Variants in FCHO2 observed in about 807,000 individuals in gnomAD.
The protein encoded by FCHO2 is FCH and mu domain containing endocytic adaptor 2.
Under a neutral mutation model 114.1 loss-of-function variants are expected in FCHO2, and 43 were observed. The observed-to-expected ratio is 0.38, with a 90% confidence interval of 0.30 to 0.49. FCHO2 has a LOEUF of 0.49. Among genes scored for constraint, FCHO2 ranks in the 20% least tolerant of loss-of-function variants. The pLI is 0.97. For missense variants in FCHO2, 807 were observed against 950.4 expected, an observed-to-expected ratio of 0.85 and a Z score of 1.98; for synonymous variants, 293 against 315.2, an observed-to-expected ratio of 0.93 and a Z score of 0.75.
chr5:72,986,286 T>C (rs914698201), intron 2 of FCHO2, among the ~76,000 whole-genome samples: 9 of 152,316 alleles, frequency 5.9e-5, no homozygotes, highest in Admixed American at 3.3e-4. Context: ...CCTCCACTTC[T>C]TAAAATGACC....
intron 13 of FCHO2, among the ~76,000 whole-genome samples, chr5:73,053,738 G>T (rs1757445350): frequency 6.6e-6 from 1 of 151,736 alleles, no homozygotes; most frequent in African/African-American, 2.4e-5. Flanking sequence ...GAAGTATGAG[G>T]TTGTAAACCA....
In FCHO2 at chr5:73,006,561, A is replaced by G. The variant is rs1754732008; in HGVS notation, c.600+12A>G. 1.3e-6 allele frequency: 2 copies of G among 1,482,566 alleles called. No homozygotes were observed. Among genetic ancestry groups the G allele is most frequent in the East Asian group, 2.5e-5 (1 of 39,902 alleles). 91.8% of individuals were successfully genotyped at this position (1,482,566 alleles called of 1,614,324 possible). ...CAGAAACAGCTCAGGTTGGTATTTT[A>G]AGGCTTCAGATTGAAAACAGGGCAT... On this transcript the variant is annotated intron_variant, in intron 6 of 25. Coordinates refer to ENST00000430046, the MANE Select transcript of FCHO2 (RefSeq NM_138782.3).
intron 19 of FCHO2, among the ~76,000 whole-genome samples, chr5:73,069,248 AC>A: frequency 6.6e-6 from 1 of 152,106 alleles, no homozygotes. Flanking sequence ...GGCACCAGGG[AC>A]TGGTTTTGTG....
chr5:72,967,713 G>A (rs1399803674), intron 1 of FCHO2, among the ~76,000 whole-genome samples: 10 of 152,048 alleles, frequency 6.6e-5, no homozygotes, highest in Admixed American at 2.6e-4. Context: ...TCCACCTCCC[G>A]GGTTCAAGCG....
intron 8 of FCHO2, among the ~76,000 whole-genome samples, chr5:73,031,255 C>G (rs1352978372): frequency 6.6e-6 from 1 of 152,206 alleles, no homozygotes; most frequent in Non-Finnish European, 1.5e-5. Context: ...CTTGCTCATG[C>G]ACACATGCAC....
chr5:73,042,604 A>G (rs755559104), intron 11 of FCHO2, among the ~76,000 whole-genome samples: 1 of 152,196 alleles, frequency 6.6e-6, no homozygotes, highest in Non-Finnish European at 1.5e-5. Context: ...GATGAATTTG[A>G]CTGTGTAGAA....
chr5:73,070,293 G>T (rs1196972847), intron 19 of FCHO2, among the ~76,000 whole-genome samples: 7 of 152,122 alleles, frequency 4.6e-5, no homozygotes, highest in Non-Finnish European at 1.0e-4. Context: ...AGGCTAGAAT[G>T]AAATATAAAA....
At chr5:72,984,063 T>G (rs908492003) in intron 2 of FCHO2, among the ~76,000 whole-genome samples, 1 of 152,190 alleles carries the variant, frequency 6.6e-6, no homozygotes, top group Non-Finnish European at 1.5e-5. Context: ...CGTCAGTTTT[T>G]TAATTTTAGC....
chr5:73,034,675 A>T lies in FCHO2; in HGVS notation c.815A>T (p.Glu272Val), dbSNP rs747407770. 1 of 1,597,156 alleles carries T rather than the reference A, an allele frequency of 6.3e-7. No individual in the cohort carries two copies. Among genetic ancestry groups the T allele is most frequent in the South Asian group, 1.2e-5 (1 of 86,318 alleles). The change falls in exon 9 of 26, where the codon GAA (glutamate) becomes GTA (valine). Residue 272 changes from glutamate (E) to valine (V), a missense_variant. Transcript: ENST00000430046. ...KERPGLIEFE[E>V]CDTASAVEGI... Reference sequence around the variant, plus strand: ...TTTCCAGGCCTCATTGAATTTGAAGAATGTGACACTGCTAGTGCAGTTGAA... The same window carrying T: ...TTTCCAGGCCTCATTGAATTTGAAGTATGTGACACTGCTAGTGCAGTTGAA...
chr5:73,022,191 A>G (rs1031347828), intron 8 of FCHO2, among the ~76,000 whole-genome samples: 18 of 152,170 alleles, frequency 1.2e-4, no homozygotes, highest in Non-Finnish European at 2.5e-4. Context: ...TTAAATGTGA[A>G]CCTAAACTGA....
intron 8 of FCHO2, among the ~76,000 whole-genome samples, chr5:73,021,752 A>G (rs1431129462): frequency 6.6e-6 from 1 of 152,212 alleles, no homozygotes; most frequent in Non-Finnish European, 1.5e-5. Flanking sequence ...TGTAAGCAGT[A>G]TATATTTTTG....
intron 2 of FCHO2, 42 bp downstream of exon 2, chr5:72,968,631 AG>A: frequency 7.5e-7 from 1 of 1,332,944 alleles, no homozygotes; most frequent in African/African-American, 1.5e-5. Flanking sequence ...ACAACTTAAT[AG>A]CAATTTAAAT....
In FCHO2 at chr5:73,046,392, C is replaced by T. The variant is rs565259254; in HGVS notation, c.940-4957C>T. ...TGTTGATGTTTTGATCAGAATTTATCGTTGTAGTCTACAGGAGGTTGGTCC... is the reference window on the plus strand; with the variant it reads ...TGTTGATGTTTTGATCAGAATTTATTGTTGTAGTCTACAGGAGGTTGGTCC... On this transcript the variant is annotated intron_variant, in intron 11 of 25. Coordinates refer to ENST00000430046, the MANE Select transcript of FCHO2 (RefSeq NM_138782.3). Among the ~76,000 whole-genome samples, 29 of 152,202 alleles carry T rather than the reference C, an allele frequency of 1.9e-4. No homozygotes were observed. The South Asian group carries it at 3.3e-3, about 17-fold the overall frequency.
chr5:73,004,096 C>T (rs552751024), intron 5 of FCHO2, among the ~76,000 whole-genome samples: 25 of 147,944 alleles, frequency 1.7e-4, no homozygotes, highest in Middle Eastern at 7.0e-3. Context: ...GACTGTAGGT[C>T]GTTTGATTGC....
chr5:73,042,110 T>A (rs1756832752), intron 11 of FCHO2, among the ~76,000 whole-genome samples: 1 of 152,156 alleles, frequency 6.6e-6, no homozygotes, highest in Non-Finnish European at 1.5e-5. Flanking sequence ...GTTACTTAAC[T>A]AAGATAAAAT....
intron 6 of FCHO2, among the ~76,000 whole-genome samples, chr5:73,008,327 A>T (rs1437256410): frequency 1.3e-5 from 2 of 152,054 alleles, no homozygotes; most frequent in African/African-American, 4.8e-5. Flanking sequence ...TATAGTAGTC[A>T]GGTGAGAAGG....
Position 72,981,627 on chromosome 5 carries a change from G to C in FCHO2, c.126-7800G>C, listed in dbSNP as rs138848658. ...GTTTCACATAGTCCCATATTTCTTG[G>C]AGGCTTTGTTTGTTCCTTTTCATTC... On this transcript the variant is annotated intron_variant, in intron 2 of 25. Transcript: ENST00000430046. 7.2e-3 allele frequency among the ~76,000 whole-genome samples: 1,094 copies of C among 152,262 alleles called. 16 individuals are homozygous for C. Among genetic ancestry groups the C allele is most frequent in the African/African-American group, 0.025 (1,045 of 41,556 alleles).
intron 11 of FCHO2, among the ~76,000 whole-genome samples, chr5:73,046,321 C>A (rs1272846923): frequency 6.6e-6 from 1 of 152,024 alleles, no homozygotes; most frequent in African/African-American, 2.4e-5. Flanking sequence ...CCTGTTTGAC[C>A]CCCCCAAAAT....
At chr5:73,032,515 A>C (rs1756290968) in intron 8 of FCHO2, among the ~76,000 whole-genome samples, 3 of 152,134 alleles carry the variant, frequency 2.0e-5, no homozygotes, top group Admixed American at 6.6e-5. Context: ...AAAGGGACTG[A>C]TTTTATGGAG....
Sources: gnomAD v4.1 joint callset for allele counts (sites outside exome capture counted in the v4.1 genomes callset) on GRCh38, gnomAD v4.1.1 for gene constraint, MANE v1.5 for transcripts, NCBI Gene and HGNC (gene_info 2026-07-23, HGNC 2026-07-21) for gene names.